Variants in RECK observed in about 807,000 individuals in gnomAD.
RECK encodes the protein reversion-inducing cysteine-rich protein with Kazal motifs.
A neutral mutation model predicts 115.1 loss-of-function variants in RECK; 69 were observed. The ratio of observed to expected loss-of-function variants is 0.60; its 90% CI spans 0.49 to 0.73. The LOEUF (loss-of-function observed/expected upper bound fraction) is 0.73, where lower values mean the gene tolerates loss of function less well. Ranked by LOEUF, RECK falls within the 30% of genes least tolerant of loss-of-function variation. The probability of loss-of-function intolerance (pLI) is 0.00; values close to 1 mark genes in which losing one functional copy is unlikely to be tolerated. For synonymous variants in RECK, 414 were observed against 419.7 expected, an observed-to-expected ratio of 0.99 and a Z score of 0.17; for missense variants, 1,047 against 1,203.7, an observed-to-expected ratio of 0.87 and a Z score of 1.93.
Position 36,121,685 on chromosome 9 carries a change from G to T in RECK, c.2691G>T (p.Leu897=), listed in dbSNP as rs1439554945. ...IIPVDHYPKA[L]QIEACNKEAE... is the part of the protein sequence containing the mutation. ...CCGTCGATCACTATCCAAAAGCTCTGCAGGTGAGTTCAGCACATGTTGTGA... is the reference window on the plus strand; with the variant it reads ...CCGTCGATCACTATCCAAAAGCTCTTCAGGTGAGTTCAGCACATGTTGTGA... The change falls in exon 20 of 21, where the codon CTG becomes CTT. Residue 897 remains leucine (L), a synonymous_variant. Transcript: ENST00000377966. The T allele has an allele frequency of 6.2e-7, 1 of 1,613,938 alleles. No homozygotes were observed. The highest frequency in any genetic ancestry group is 1.7e-5 in the Admixed American group (1 of 59,992).
At chr9:36,052,364 G>C in intron 2 of RECK, 41 bp downstream of exon 2, 1 of 1,446,258 alleles carries the variant, frequency 6.9e-7, no homozygotes, top group Non-Finnish European at 9.7e-7. Flanking sequence ...CAGACACAGT[G>C]GTTCATGCCT....
rs182807445 is a variant in RECK, at chr9:36,065,897, G to A, written c.405+273G>A. Among the ~76,000 whole-genome samples the A allele has an allele frequency of 1.6e-3, 243 of 152,226 alleles. 1 individual carries two copies. The highest frequency in any genetic ancestry group is 0.011 in the South Asian group (52 of 4,832). The stretch of plus-strand genomic sequence containing the variant: ...TATTTTTATAACAAAGCAACTAGTT[G>A]TACCCAAGGTTGTGAAATAGTTTTT... On this transcript the variant is annotated intron_variant, in intron 6 of 20. Coordinates refer to ENST00000377966, the MANE Select transcript of RECK (RefSeq NM_021111.3).
chr9:36,102,332 C>A lies in RECK; in HGVS notation c.1435+102C>A, dbSNP rs542607051. 14 of 1,022,396 alleles carry A rather than the reference C, an allele frequency of 1.4e-5. No homozygotes were observed. In the African/African-American group the frequency reaches 2.1e-4, roughly 15 times the overall value. The allele number at this position is 1,022,396 out of a possible 1,614,324, so 63.3% of individuals were successfully genotyped here. On this transcript the variant is annotated intron_variant, in intron 12 of 20. Transcript: ENST00000377966. ...TGGATGAGCATTTATCTGTTGAGAACATGGGATTCAATGATACCATCTCAA... is the reference window on the plus strand; with the variant it reads ...TGGATGAGCATTTATCTGTTGAGAAAATGGGATTCAATGATACCATCTCAA...
chr9:36,109,043 C>T (rs962945448), intron 14 of RECK, among the ~76,000 whole-genome samples: 1 of 151,972 alleles, frequency 6.6e-6, no homozygotes, highest in Non-Finnish European at 1.5e-5. Context: ...AATTAGCTCT[C>T]AAATTTCTGC....
chr9:36,044,065 G>A (rs1820984608), intron 1 of RECK, among the ~76,000 whole-genome samples: 1 of 152,036 alleles, frequency 6.6e-6, no homozygotes, highest in African/African-American at 2.4e-5. Context: ...TGGCAGTATG[G>A]TCATTTTGAC....
intron 1 of RECK, among the ~76,000 whole-genome samples, chr9:36,048,303 A>G (rs1301088022): frequency 6.6e-6 from 1 of 151,666 alleles, no homozygotes; most frequent in Non-Finnish European, 1.5e-5. Context: ...TCTGCGCTCT[A>G]CAACAGTTAC....
At chr9:36,081,434 A>G (rs1313551119) in intron 7 of RECK, among the ~76,000 whole-genome samples, 1 of 152,172 alleles carries the variant, frequency 6.6e-6, no homozygotes, top group Non-Finnish European at 1.5e-5. Context: ...GAAGATAGGC[A>G]TCTTGTCCTG....
intron 10 of RECK, among the ~76,000 whole-genome samples, chr9:36,097,425 A>G (rs1333469925): frequency 6.6e-6 from 1 of 152,240 alleles, no homozygotes; most frequent in East Asian, 1.9e-4. Context: ...AGTATATGAA[A>G]AAATGTTCAA....
intron 9 of RECK, 100 bp from the exon 10 acceptor site, chr9:36,091,064 A>G (rs1340614590): frequency 9.7e-7 from 1 of 1,029,846 alleles, no homozygotes; most frequent in Non-Finnish European, 1.4e-6. Context: ...TTTCTCACAT[A>G]CGTTCCAAAG....
At chr9:36,097,872 G>A (rs1041416620) in intron 10 of RECK, among the ~76,000 whole-genome samples, 8 of 152,094 alleles carry the variant, frequency 5.3e-5, no homozygotes, top group South Asian at 4.1e-4. Context: ...AAATCCTGTC[G>A]TTTGCAACAA....
At chr9:36,056,887 C>A (rs1821551085) in intron 2 of RECK, 2 of 716,064 alleles carry the variant, frequency 2.8e-6, no homozygotes, top group Non-Finnish European at 3.4e-6. Flanking sequence ...GATATTCTAT[C>A]TCTTTTCACT....
At chr9:36,044,675 C>G (rs900619226) in intron 1 of RECK, among the ~76,000 whole-genome samples, 10 of 152,072 alleles carry the variant, frequency 6.6e-5, no homozygotes, top group African/African-American at 2.2e-4. Flanking sequence ...TCTTAAATAA[C>G]AAAAACATCA....
Position 36,115,482 on chromosome 9 carries a change from CT to C in RECK, c.2061-1495del, listed in dbSNP as rs572192977. On this transcript the variant is annotated intron_variant, in intron 16 of 20. Coordinates refer to ENST00000377966, the MANE Select transcript of RECK (RefSeq NM_021111.3). ...TTTTATTTGCCCCCAGATTCTCAAC[CT>C]TTTTTTTATGATCCTCTTATTTCCA... Among the ~76,000 whole-genome samples, 1,053 of 151,924 alleles carry C rather than the reference CT, an allele frequency of 6.9e-3. 14 individuals are homozygous for C. The highest frequency in any genetic ancestry group is 0.023 in the African/African-American group (937 of 41,480).
At chr9:36,075,580 A>G (rs1822418487) in intron 6 of RECK, among the ~76,000 whole-genome samples, 1 of 152,218 alleles carries the variant, frequency 6.6e-6, no homozygotes, top group South Asian at 2.1e-4. Flanking sequence ...CACAAGGAAA[A>G]AACACCTTGT....
At chr9:36,096,531 C>G (rs1588323088) in intron 10 of RECK, among the ~76,000 whole-genome samples, 1 of 151,938 alleles carries the variant, frequency 6.6e-6, no homozygotes, top group East Asian at 1.9e-4. Context: ...AGCAAAAACT[C>G]TGTCTCAAAA....
intron 16 of RECK, among the ~76,000 whole-genome samples, chr9:36,116,191 C>T (rs974980518): frequency 4.8e-5 from 7 of 146,558 alleles, no homozygotes; most frequent in African/African-American, 1.3e-4. Context: ...TGCAATGGCG[C>T]GATATCAGCT....
chr9:36,070,231 G>A (rs1822174650), intron 6 of RECK, among the ~76,000 whole-genome samples: 1 of 152,120 alleles, frequency 6.6e-6, no homozygotes, highest in Middle Eastern at 3.2e-3. Flanking sequence ...TTAAAACATA[G>A]TAACAGTAGC....
chr9:36,100,068 G>A (rs2132649875), intron 10 of RECK, among the ~76,000 whole-genome samples: 2 of 152,312 alleles, frequency 1.3e-5, no homozygotes, highest in Middle Eastern at 6.8e-3. Flanking sequence ...GGATAGTCTG[G>A]GGATAATAGT....
intron 1 of RECK, among the ~76,000 whole-genome samples, chr9:36,047,311 G>T (rs1214857101): frequency 6.6e-6 from 1 of 152,104 alleles, no homozygotes; most frequent in African/African-American, 2.4e-5. Flanking sequence ...CAGAGGAGTT[G>T]TTATAAGAAA....
Sources: allele counts gnomAD v4.1 joint callset (sites outside exome capture counted in the v4.1 genomes callset), GRCh38; gene constraint gnomAD v4.1.1; transcripts MANE v1.5; gene names NCBI Gene and HGNC (gene_info 2026-07-23, HGNC 2026-07-21).